Variants in PCMT1 observed in about 807,000 individuals in gnomAD.
PCMT1 encodes the protein protein-L-isoaspartate (D-aspartate) O-methyltransferase, also known as protein-L-isoaspartate(D-aspartate) O-methyltransferase.
PCMT1 carries 9 observed loss-of-function variants against 29.2 expected under a neutral mutation model. The observed-to-expected ratio is 0.31, with a 90% CI of 0.19 to 0.54. The LOEUF is 0.54. Ranked by LOEUF, PCMT1 falls within the 20% of genes least tolerant of loss-of-function variation. PCMT1 has a pLI of 0.95. For missense variants in PCMT1, 184 were observed against 282.2 expected (o/e 0.65, Z 2.49); for synonymous variants, 98 against 97.5 (o/e 1.00, Z -0.03).
chr6:149,803,568 C>T (rs564494565), intron 7 of PCMT1, among the ~76,000 whole-genome samples: 6 of 152,090 alleles, frequency 3.9e-5, no homozygotes, highest in Non-Finnish European at 8.8e-5. Context: ...CAGTACATAA[C>T]AGTGCCATTA....
At chr6:149,807,551 A>G (rs947772872) in intron 7 of PCMT1, among the ~76,000 whole-genome samples, 23 of 151,926 alleles carry the variant, frequency 1.5e-4, no homozygotes, top group Non-Finnish European at 2.9e-5. Flanking sequence ...TTGTATTTTT[A>G]GTAGAGACGG....
intron 2 of PCMT1, among the ~76,000 whole-genome samples, chr6:149,772,934 G>A (rs570965197): frequency 3.4e-4 from 51 of 151,084 alleles, no homozygotes; most frequent in South Asian, 1.0e-3. Flanking sequence ...GTAGAATGGC[G>A]TGAACCTGGG....
intron 1 of PCMT1, among the ~76,000 whole-genome samples, chr6:149,759,483 TTTTCTTTC>T (rs368076691): frequency 1.4e-4 from 21 of 152,046 alleles, no homozygotes; most frequent in African/African-American, 4.3e-4. Context: ...CTGCAGCTTA[TTTTCTTTC>T]TTTCTTTCTT....
chr6:149,809,804 T>A (rs1321195498), intron 7 of PCMT1, among the ~76,000 whole-genome samples: 1 of 152,126 alleles, frequency 6.6e-6, no homozygotes, highest in East Asian at 1.9e-4. Flanking sequence ...TATATATACA[T>A]ATATGTAATT....
chr6:149,764,300 A>G (rs1465703984), intron 1 of PCMT1, among the ~76,000 whole-genome samples: 3 of 152,196 alleles, frequency 2.0e-5, no homozygotes, highest in Non-Finnish European at 2.9e-5. Flanking sequence ...TCTAACCTCA[A>G]TGTTATGATC....
At chr6:149,752,354 C>T (rs777378294) in intron 1 of PCMT1, among the ~76,000 whole-genome samples, 24 of 152,072 alleles carry the variant, frequency 1.6e-4, no homozygotes, top group Non-Finnish European at 2.8e-4. Context: ...CCCACTACCA[C>T]GCCTGGCTAA....
intron 3 of PCMT1, among the ~76,000 whole-genome samples, chr6:149,787,841 GTGTA>G (rs1788188793): frequency 6.6e-6 from 1 of 151,766 alleles, no homozygotes; most frequent in African/African-American, 2.4e-5. Flanking sequence ...GTGTGTGTGT[GTGTA>G]TGTGTGTGTA....
intron 3 of PCMT1, among the ~76,000 whole-genome samples, chr6:149,777,803 C>T (rs1787632712): frequency 6.6e-6 from 1 of 150,980 alleles, no homozygotes; most frequent in Non-Finnish European, 1.5e-5. Context: ...GACTTTCTTT[C>T]TTTGTCCTTT....
At chr6:149,789,926 T>C in intron 3 of PCMT1, 28 bp from the exon 4 acceptor site, 1 of 1,471,686 alleles carries the variant, frequency 6.8e-7, no homozygotes, top group Non-Finnish European at 9.3e-7. Context: ...ACTTTAGTCT[T>C]AATGAATATT....
intron 3 of PCMT1, among the ~76,000 whole-genome samples, chr6:149,775,060 GT>G (rs1445491697): frequency 6.6e-6 from 1 of 152,012 alleles, no homozygotes; most frequent in Non-Finnish European, 1.5e-5. Flanking sequence ...GGCCAGGCTG[GT>G]TTTGAACTCC....
chr6:149,804,804 G>C lies in PCMT1; in HGVS notation c.*37+2388G>C, dbSNP rs141084163. Among the ~76,000 whole-genome samples, 349 of 151,910 alleles carry C rather than the reference G, an allele frequency of 2.3e-3. 1 individual carries two copies. The highest frequency in any genetic ancestry group is 8.1e-3 in the African/African-American group (335 of 41,462). On this transcript the variant is annotated intron_variant, in intron 7 of 7. Coordinates refer to ENST00000464889, the MANE Select transcript of PCMT1 (RefSeq NM_001360452.2). Reference sequence around the variant, plus strand: ...GGTGTCAGCCACCATGCCTGGCCCTGTTCTTAATTTTATATTATGCATAGT... The same window carrying C: ...GGTGTCAGCCACCATGCCTGGCCCTCTTCTTAATTTTATATTATGCATAGT...
At chr6:149,768,926 T>A (rs922245277) in intron 1 of PCMT1, among the ~76,000 whole-genome samples, 6 of 152,088 alleles carry the variant, frequency 3.9e-5, no homozygotes, top group African/African-American at 1.4e-4. Flanking sequence ...CGCGCCAGCC[T>A]GGCTAATTAT....
chr6:149,789,854 A>G, intron 3 of PCMT1, 100 bp from the exon 4 acceptor site: 1 of 642,926 alleles, frequency 1.6e-6, no homozygotes, highest in Non-Finnish European at 2.6e-6. Context: ...ATCTTGGTAG[A>G]TGACAATAGT....
intron 3 of PCMT1, among the ~76,000 whole-genome samples, chr6:149,788,828 A>G (rs945690942): frequency 3.9e-5 from 6 of 152,154 alleles, no homozygotes; most frequent in Non-Finnish European, 5.9e-5. Flanking sequence ...TTTAGCTTCC[A>G]TTTATGATTT....
intron 5 of PCMT1, chr6:149,794,998 G>A (rs1788541055): frequency 5.4e-6 from 2 of 371,674 alleles, no homozygotes; most frequent in South Asian, 4.1e-5. Context: ...TTCGAGACCA[G>A]CCTGGCCAAC....
At chr6:149,795,381 T>C (rs1209312830) in intron 5 of PCMT1, 3 of 406,370 alleles carry the variant, frequency 7.4e-6, no homozygotes, top group Non-Finnish European at 1.4e-5. Flanking sequence ...GCTGTTAAGA[T>C]ATCTGGGGAG....
intron 7 of PCMT1, among the ~76,000 whole-genome samples, chr6:149,802,702 T>A (rs1775877013): frequency 6.6e-6 from 1 of 151,974 alleles, no homozygotes; most frequent in Non-Finnish European, 1.5e-5. Context: ...AGCCACTCTG[T>A]TTTTATGTTT....
chr6:149,749,872 GT>G lies in PCMT1; in HGVS notation c.-28del. ...GGGCACCGTCGTCGCGCTGAAGGTGGTTCTGTACCTGCTCCGAGTGTGCTTA... is the reference window on the plus strand; with the variant it reads ...GGGCACCGTCGTCGCGCTGAAGGTGGTCTGTACCTGCTCCGAGTGTGCTTA... On this transcript the variant is annotated 5_prime_UTR_variant, in exon 1 of 8. Transcript: ENST00000464889. 6.2e-7 allele frequency: 1 copy of G among 1,603,512 alleles called. No individual in the cohort carries two copies. The highest frequency in any genetic ancestry group is 8.5e-7 in the Non-Finnish European group (1 of 1,175,316).
intron 1 of PCMT1, among the ~76,000 whole-genome samples, chr6:149,753,102 AATAG>A (rs988331496): frequency 5.9e-5 from 9 of 152,182 alleles, no homozygotes; most frequent in Non-Finnish European, 8.8e-5. Context: ...AATTCTAGCT[AATAG>A]ATTTCTTTTT....
Sources: gnomAD v4.1 joint callset for allele counts (sites outside exome capture counted in the v4.1 genomes callset) on GRCh38, gnomAD v4.1.1 for gene constraint, MANE v1.5 for transcripts, NCBI Gene and HGNC (gene_info 2026-07-23, HGNC 2026-07-21) for gene names.